FSTL4: variants seen among roughly 807,000 people sequenced by gnomAD.
FSTL4 encodes the protein follistatin-related protein 4.
In FSTL4, 28 loss-of-function variants were observed where a neutral mutation model predicts 78.2. That is an observed-to-expected ratio of 0.36 (90% CI 0.27 to 0.49). FSTL4 has a LOEUF of 0.49. Among genes scored for constraint, FSTL4 ranks in the 20% least tolerant of loss-of-function variants. The probability of loss-of-function intolerance (pLI) is 0.98; values close to 1 mark genes in which losing one functional copy is unlikely to be tolerated. For missense variants in FSTL4, 922 were observed against 1,084.9 expected (o/e 0.85, Z 2.11); for synonymous variants, 422 against 440.5 (o/e 0.96, Z 0.53).
the FSTL4 span, among the ~76,000 whole-genome samples, chr5:133,793,085 G>A: frequency 6.6e-6 from 1 of 152,186 alleles, no homozygotes; most frequent in Non-Finnish European, 1.5e-5. Context: ...TACACGGTGT[G>A]CTTTTAATGG....
intron 4 of FSTL4, among the ~76,000 whole-genome samples, chr5:133,327,941 G>A (rs1303428835): frequency 6.6e-6 from 1 of 152,138 alleles, no homozygotes; most frequent in Non-Finnish European, 1.5e-5. Flanking sequence ...ATTCAAAGAG[G>A]GCCTTGCATC....
chr5:133,745,765 A>G, the FSTL4 span, among the ~76,000 whole-genome samples: 1 of 152,210 alleles, frequency 6.6e-6, no homozygotes, highest in African/African-American at 2.4e-5. Context: ...AAAACTACGA[A>G]CTGTCATTTT....
chr5:133,446,913 C>T (rs1005382274), intron 3 of FSTL4, among the ~76,000 whole-genome samples: 1 of 152,180 alleles, frequency 6.6e-6, no homozygotes, highest in African/African-American at 2.4e-5. Flanking sequence ...TGAGGGGGTT[C>T]TGGAGGCAGA....
At chr5:133,516,617 G>A (rs1464793505) in intron 3 of FSTL4, among the ~76,000 whole-genome samples, 1 of 152,146 alleles carries the variant, frequency 6.6e-6, no homozygotes, top group African/African-American at 2.4e-5. Context: ...AATTGTGAAT[G>A]GGATTTCTTT....
At chr5:133,796,634 C>T in the FSTL4 span, among the ~76,000 whole-genome samples, 1 of 152,032 alleles carries the variant, frequency 6.6e-6, no homozygotes, top group Non-Finnish European at 1.5e-5. Context: ...AGACATTCCT[C>T]CTCTTCTTTC....
At chr5:133,418,374 A>G (rs556691487) in intron 3 of FSTL4, among the ~76,000 whole-genome samples, 2 of 152,276 alleles carry the variant, frequency 1.3e-5, no homozygotes, top group South Asian at 4.2e-4. Context: ...TGTAAAAAGC[A>G]TAATTCAAGA....
chr5:133,233,724 C>T (rs1316692819), intron 7 of FSTL4, among the ~76,000 whole-genome samples, 187 bp from the exon 8 acceptor site: 5 of 152,234 alleles, frequency 3.3e-5, no homozygotes, highest in Non-Finnish European at 7.3e-5. Flanking sequence ...CTTGCCTCCA[C>T]ATTGTGGGCC....
chr5:133,606,043 T>C (rs1760969848), intron 1 of FSTL4, among the ~76,000 whole-genome samples: 1 of 152,132 alleles, frequency 6.6e-6, no homozygotes, highest in Non-Finnish European at 1.5e-5. Context: ...GTGTGTGAAA[T>C]CTTACAGGGA....
chr5:133,461,899 C>T (rs545177383), intron 3 of FSTL4, among the ~76,000 whole-genome samples: 1 of 152,168 alleles, frequency 6.6e-6, no homozygotes, highest in African/African-American at 2.4e-5. Flanking sequence ...CTCACAACCA[C>T]ACCTCAGAAC....
the FSTL4 span, among the ~76,000 whole-genome samples, chr5:133,803,408 C>A: frequency 1.3e-5 from 2 of 152,296 alleles, no homozygotes; most frequent in East Asian, 3.9e-4. Flanking sequence ...TGGGCCCCGC[C>A]TCTATACTTC....
the FSTL4 span, among the ~76,000 whole-genome samples, chr5:133,661,285 C>T: frequency 6.6e-6 from 1 of 152,208 alleles, no homozygotes; most frequent in Non-Finnish European, 1.5e-5. Flanking sequence ...CCACCGTGCA[C>T]AGCCTTAAAA....
the FSTL4 span, among the ~76,000 whole-genome samples, chr5:133,820,529 G>C: frequency 5.9e-5 from 9 of 152,208 alleles, no homozygotes; most frequent in South Asian, 1.9e-3. Flanking sequence ...TTTTCTCTGT[G>C]GATCATGTAC....
intron 3 of FSTL4, among the ~76,000 whole-genome samples, chr5:133,536,510 T>C (rs1759352403): frequency 6.6e-6 from 1 of 152,138 alleles, no homozygotes; most frequent in Non-Finnish European, 1.5e-5. Context: ...AAAGGTACTT[T>C]ATTATTATAA....
At chr5:133,738,593 C>A in the FSTL4 span, among the ~76,000 whole-genome samples, 14 of 152,202 alleles carry the variant, frequency 9.2e-5, no homozygotes, top group Non-Finnish European at 1.9e-4. Context: ...ACCCAAAGAA[C>A]TTCTGTGGCC....
intron 4 of FSTL4, among the ~76,000 whole-genome samples, chr5:133,322,688 G>A (rs1177244359): frequency 1.3e-5 from 2 of 152,206 alleles, no homozygotes; most frequent in African/African-American, 2.4e-5. Flanking sequence ...TATTAGCTGA[G>A]GTTGCTCTTG....
At chr5:133,536,484 C>T (rs1322627635) in intron 3 of FSTL4, among the ~76,000 whole-genome samples, 2 of 151,956 alleles carry the variant, frequency 1.3e-5, no homozygotes, top group African/African-American at 2.4e-5. Context: ...CAGTCAATTA[C>T]TTTTGGGGGA....
rs575377991 is a variant in FSTL4 at position 133,551,441 on chromosome 5, A to G, written c.160+15745T>C. ...CAGAAAGCATTAATTCTCACTGCAC[A>G]AGGGCAGTAACTGTTTATCATCTGA... On this transcript the variant is annotated intron_variant, in intron 3 of 15. Coordinates refer to ENST00000265342, the MANE Select transcript of FSTL4 (RefSeq NM_015082.2). Among the ~76,000 whole-genome samples, 6 of 152,370 alleles carry G rather than the reference A, an allele frequency of 3.9e-5. No homozygotes were observed. In the South Asian group the frequency reaches 1.2e-3, roughly 32 times the overall value.
At chr5:133,510,947 G>C (rs1486998189) in intron 3 of FSTL4, among the ~76,000 whole-genome samples, 3 of 152,152 alleles carry the variant, frequency 2.0e-5, no homozygotes, top group African/African-American at 4.8e-5. Context: ...ATAGCTCTCG[G>C]GCTGGCCCCT....
intron 3 of FSTL4, among the ~76,000 whole-genome samples, chr5:133,487,310 G>A (rs1024520857): frequency 6.6e-6 from 1 of 152,186 alleles, no homozygotes; most frequent in Non-Finnish European, 1.5e-5. Context: ...ACACAGCAAA[G>A]AGAAGGTGCC....
Sources: allele counts gnomAD v4.1 joint callset (sites outside exome capture counted in the v4.1 genomes callset), GRCh38; gene constraint gnomAD v4.1.1; transcripts MANE v1.5; gene names NCBI Gene and HGNC (gene_info 2026-07-23, HGNC 2026-07-21).